ZNF623: variants seen among roughly 807,000 people sequenced by gnomAD.
The protein encoded by ZNF623 is zinc finger protein 623.
Under a neutral mutation model 24.0 loss-of-function variants are expected in ZNF623, and 16 were observed. The ratio of observed to expected loss-of-function variants is 0.67; its 90% CI spans 0.45 to 1.01. The LOEUF is 1.01. Among genes scored for constraint, ZNF623 ranks in the 50% least tolerant of loss-of-function variants. The pLI is 0.00. For synonymous variants in ZNF623, 224 were observed against 219.8 expected, an observed-to-expected ratio of 1.02 and a Z score of -0.17; for missense variants, 566 against 606.5, an observed-to-expected ratio of 0.93 and a Z score of 0.70.
chr8:143,647,313 G>A (rs1003962992), intron 1 of ZNF623, among the ~76,000 whole-genome samples: 5 of 152,060 alleles, frequency 3.3e-5, no homozygotes, highest in African/African-American at 4.8e-5. Flanking sequence ...GGCGCCTGCC[G>A]CCACGCCCGG....
At chr8:143,638,846 T>TATA (rs1814983958) in intron 1 of ZNF623, among the ~76,000 whole-genome samples, 1 of 152,056 alleles carries the variant, frequency 6.6e-6, no homozygotes, top group Admixed American at 6.6e-5. Flanking sequence ...TCAGAAGGTA[T>TATA]CAACTGAGTT....
chr8:143,652,349 A>G lies in ZNF623; in HGVS notation c.*866A>G, dbSNP rs145833382. On this transcript the variant is annotated 3_prime_UTR_variant, in exon 2 of 2. Coordinates refer to ENST00000526926, the MANE Select transcript of ZNF623 (RefSeq NM_001261843.2). Reference sequence around the variant, plus strand: ...GATTTCCATGTGTCCACTGTCTAGCACAGGGCAATAAAAAATACACCCCTA... The same window carrying G: ...GATTTCCATGTGTCCACTGTCTAGCGCAGGGCAATAAAAAATACACCCCTA... 6.5e-3 allele frequency: 1,082 copies of G among 167,226 alleles called. 24 individuals carry two copies. The highest frequency in any genetic ancestry group is 6.7e-3 in the East Asian group (35 of 5,198). 10.4% of individuals were successfully genotyped at this position (167,226 alleles called of 1,614,324 possible).
intron 1 of ZNF623, among the ~76,000 whole-genome samples, chr8:143,641,252 G>A (rs941963148): frequency 6.6e-6 from 1 of 152,164 alleles, no homozygotes; most frequent in African/African-American, 2.4e-5. Context: ...ACTTTGCCCA[G>A]ATCCATCAGA....
chr8:143,637,778 G>A (rs1260286146), intron 1 of ZNF623, among the ~76,000 whole-genome samples: 1 of 152,072 alleles, frequency 6.6e-6, no homozygotes, highest in Non-Finnish European at 1.5e-5. Context: ...TTGAACTCCT[G>A]ACCTTGTGAT....
At position 143,649,980 on chromosome 8, in the gene ZNF623, C is replaced by G. The variant is rs764459409; in HGVS notation, c.-13C>G. The G allele has an allele frequency of 1.2e-6, 2 of 1,614,196 alleles. No homozygotes were observed. Among genetic ancestry groups the G allele is most frequent in the Admixed American group, 3.3e-5 (2 of 60,030 alleles). On this transcript the variant is annotated 5_prime_UTR_variant, in exon 2 of 2. Coordinates refer to ENST00000526926, the MANE Select transcript of ZNF623 (RefSeq NM_001261843.2). Reference sequence around the variant, plus strand: ...AAAACTCACATAGGACGACGTCAGACAGACTCACGGTGATGGAGCTCCCCT... The same window carrying G: ...AAAACTCACATAGGACGACGTCAGAGAGACTCACGGTGATGGAGCTCCCCT...
intron 1 of ZNF623, chr8:143,649,692 G>A (rs2131455891): frequency 3.3e-6 from 2 of 613,110 alleles, no homozygotes; most frequent in South Asian, 2.1e-5. Flanking sequence ...GGTGTTGGAT[G>A]TTAAAAGTGG....
intron 1 of ZNF623, among the ~76,000 whole-genome samples, chr8:143,641,058 G>T (rs941306488): frequency 6.7e-6 from 1 of 150,160 alleles, no homozygotes; most frequent in Non-Finnish European, 1.5e-5. Flanking sequence ...TAGCTCTCTT[G>T]CTATTTTCAC....
chr8:143,650,729 C>G lies in ZNF623; in HGVS notation c.737C>G (p.Thr246Arg). Reference protein sequence around the residue: ...SSLIRHYQIHTEVKQYECKEC... With the variant: ...SSLIRHYQIHREVKQYECKEC... The stretch of plus-strand genomic sequence containing the variant: ...CTCATTCGCCATTATCAGATCCACA[C>G]AGAAGTGAAACAGTATGAATGCAAA... The change falls in exon 2 of 2, where the codon ACA becomes AGA. Residue 246 changes from threonine to arginine, a missense_variant. By Grantham distance (71) the Thr-to-Arg change is moderately conservative. Transcript: ENST00000526926. The surrounding 1 kb of genome is among the most constrained non-coding windows in gnomAD (Gnocchi z 5.2). 1 of 1,614,168 alleles carries G rather than the reference C, an allele frequency of 6.2e-7. No individual in the cohort carries two copies. The highest frequency in any genetic ancestry group is 8.5e-7 in the Non-Finnish European group (1 of 1,180,038).
chr8:143,650,026 C>T lies in ZNF623; in HGVS notation c.34C>T (p.His12Tyr), dbSNP rs1815259349. Residue 12 changes from histidine to tyrosine, a missense_variant, in exon 2 of 2, where the codon CAC becomes TAC. By Grantham distance (83) the His-to-Tyr change is moderately conservative (BLOSUM62 2). Coordinates refer to ENST00000526926, the MANE Select transcript of ZNF623 (RefSeq NM_001261843.2). This position sits in a 1 kb window ranked among gnomAD's most constrained non-coding sequence, Gnocchi z 5.2. ...CCCCTCTCCCGAGTCTGAGGAAGTC[C>T]ACGAGCCCAGATTAGGGGAGCTCTT... ...ELPSPESEEV[H>Y]EPRLGELLGN... is the part of the protein sequence containing the mutation. 1 of 1,614,166 alleles carries T rather than the reference C, an allele frequency of 6.2e-7. No individual in the cohort carries two copies. The highest frequency in any genetic ancestry group is 2.2e-5 in the East Asian group (1 of 44,866).
In ZNF623 at chr8:143,650,229, G is replaced by T. The variant is rs1389440976; in HGVS notation, c.237G>T (p.Glu79Asp). 1.2e-6 allele frequency: 2 copies of T among 1,614,112 alleles called. No homozygotes were observed. Among genetic ancestry groups the T allele is most frequent in the Admixed American group, 3.3e-5 (2 of 60,010 alleles). ...TTCTGCTTCAGAGAGAGCTCATAGAGGGGGAAGCCAATCCTTGCGATATCT... is the reference window on the plus strand; with the variant it reads ...TTCTGCTTCAGAGAGAGCTCATAGATGGGGAAGCCAATCCTTGCGATATCT... ...DLLLLQRELI[E>D]GEANPCDICG... The change falls in exon 2 of 2, where the codon GAG (glutamate) becomes GAT (aspartate). Residue 79 changes from glutamate (E) to aspartate (D), a missense_variant. Glu to Asp is a conservative substitution (Grantham distance 45). This residue lies in a region of ZNF623 where 313 missense variants were observed against 300.4 expected (regional missense o/e 1.04). Transcript: ENST00000526926. The surrounding 1 kb of genome is among the most constrained non-coding windows in gnomAD (Gnocchi z 5.2).
At chr8:143,643,091 A>T (rs1815093792) in intron 1 of ZNF623, among the ~76,000 whole-genome samples, 1 of 152,156 alleles carries the variant, frequency 6.6e-6, no homozygotes, top group African/African-American at 2.4e-5. Flanking sequence ...CTGAGATTAG[A>T]TGCGTGAGAA....
chr8:143,643,195 C>T (rs1405264021), intron 1 of ZNF623, among the ~76,000 whole-genome samples: 1 of 152,214 alleles, frequency 6.6e-6, no homozygotes, highest in Non-Finnish European at 1.5e-5. Context: ...CTTAGTCCTA[C>T]AGTTGCAGGG....
rs1815323165 is a variant in ZNF623 at position 143,651,579 on chromosome 8, G to C, written c.*96G>C. On this transcript the variant is annotated 3_prime_UTR_variant, in exon 2 of 2. Transcript: ENST00000526926. ...ATTTGGACATGTCAGAATTTTGTGA[G>C]TCATGGATGGGGCTGCTTTTGCAGT... 3 of 1,420,424 alleles carry C rather than the reference G, an allele frequency of 2.1e-6. No individual in the cohort carries two copies. The highest frequency in any genetic ancestry group is 2.9e-6 in the Non-Finnish European group (3 of 1,052,396). 88.0% of individuals were successfully genotyped at this position (1,420,424 alleles called of 1,614,324 possible).
intron 1 of ZNF623, among the ~76,000 whole-genome samples, chr8:143,643,263 C>T (rs1229134327): frequency 1.3e-5 from 2 of 152,320 alleles, no homozygotes; most frequent in South Asian, 4.1e-4. Flanking sequence ...CCCAGGGCCT[C>T]CAGATGAGAG....
intron 1 of ZNF623, among the ~76,000 whole-genome samples, chr8:143,639,459 G>A (rs530069738): frequency 5.0e-4 from 76 of 152,298 alleles, no homozygotes; most frequent in Admixed American, 7.8e-4. Flanking sequence ...CCTGACCTCA[G>A]GTGATGTGCC....
chr8:143,644,736 A>G (rs1380867922), intron 1 of ZNF623, among the ~76,000 whole-genome samples: 1 of 151,564 alleles, frequency 6.6e-6, no homozygotes, highest in Non-Finnish European at 1.5e-5. Flanking sequence ...CTAAAAATAC[A>G]CAAGAATTGC....
intron 1 of ZNF623, among the ~76,000 whole-genome samples, chr8:143,642,541 G>C (rs1484048420): frequency 6.6e-6 from 1 of 152,166 alleles, no homozygotes; most frequent in South Asian, 2.1e-4. Context: ...CCGGCTTTCT[G>C]ACTGAGTTTT....
At chr8:143,648,146 C>T (rs1354626439) in intron 1 of ZNF623, among the ~76,000 whole-genome samples, 3 of 152,028 alleles carry the variant, frequency 2.0e-5, no homozygotes, top group South Asian at 2.1e-4. Flanking sequence ...GCATAGATGG[C>T]GTTGGTGTCT....
chr8:143,637,572 C>A (rs1024516638), intron 1 of ZNF623, among the ~76,000 whole-genome samples: 1 of 151,716 alleles, frequency 6.6e-6, no homozygotes, highest in African/African-American at 2.4e-5. Flanking sequence ...ATTTTTGAGA[C>A]GGAGTCTTGC....
Sources: allele counts gnomAD v4.1 joint callset (sites outside exome capture counted in the v4.1 genomes callset), GRCh38; gene constraint gnomAD v4.1.1; regional missense constraint gnomAD v4.1.1; non-coding constraint Gnocchi (gnomAD v3.1); transcripts MANE v1.5; gene names NCBI Gene and HGNC (gene_info 2026-07-23, HGNC 2026-07-21).